Variants in ANKFN1 observed in about 807,000 individuals in gnomAD.
ANKFN1 encodes ankyrin repeat and fibronectin type III domain containing 1.
Under a neutral mutation model 108.7 loss-of-function variants are expected in ANKFN1, and 74 were observed. That is an observed-to-expected ratio of 0.68 (90% CI 0.56 to 0.83). ANKFN1 has a LOEUF of 0.83. ANKFN1 is among the 40% of genes least tolerant of loss of function. ANKFN1 has a pLI of 0.00. For synonymous variants in ANKFN1, 547 were observed against 516.2 expected (o/e 1.06, Z -0.81); for missense variants, 1,505 against 1,382.3 (o/e 1.09, Z -1.41).
intron 1 of ANKFN1, among the ~76,000 whole-genome samples, chr17:56,191,658 A>T (rs1912941654): frequency 8.4e-6 from 1 of 119,552 alleles, no homozygotes; most frequent in Non-Finnish European, 1.7e-5. Flanking sequence ...TTTTTCCTTC[A>T]TTTCAACTTT....
chr17:56,374,791 G>T, intron 8 of ANKFN1, 77 bp downstream of exon 8: 3 of 1,212,788 alleles, frequency 2.5e-6, no homozygotes, highest in Non-Finnish European at 3.5e-6. Flanking sequence ...AGTGCATTTT[G>T]TGTGTTTGTT....
chr17:56,213,476 C>T (rs541372281), intron 2 of ANKFN1, among the ~76,000 whole-genome samples: 26 of 152,308 alleles, frequency 1.7e-4, no homozygotes, highest in African/African-American at 6.0e-4. Context: ...GTCATTCTCA[C>T]TTCACATCCC....
intron 3 of ANKFN1, among the ~76,000 whole-genome samples, chr17:56,272,987 C>T (rs1430991351): frequency 6.6e-6 from 1 of 152,084 alleles, no homozygotes; most frequent in Non-Finnish European, 1.5e-5. Flanking sequence ...ATTCAACAGC[C>T]CAAATATTTT....
chr17:56,251,406 C>T (rs917754141), intron 3 of ANKFN1, among the ~76,000 whole-genome samples: 1 of 151,942 alleles, frequency 6.6e-6, no homozygotes, highest in African/African-American at 2.4e-5. Flanking sequence ...AATATCTGAC[C>T]CAAAGAGTAA....
At chr17:56,247,763 T>C (rs189266589) in intron 3 of ANKFN1, among the ~76,000 whole-genome samples, 1 of 152,274 alleles carries the variant, frequency 6.6e-6, no homozygotes, top group Admixed American at 6.5e-5. Flanking sequence ...CTTCTTAAGA[T>C]TGTCTATTAA....
chr17:56,384,021 A>G (rs1267376104), intron 8 of ANKFN1, among the ~76,000 whole-genome samples: 1 of 140,842 alleles, frequency 7.1e-6, no homozygotes, highest in Non-Finnish European at 1.6e-5. Flanking sequence ...CAGAGACACA[A>G]CCAAAAAAGA....
In ANKFN1 at chr17:56,261,382, A is replaced by C. The variant is rs1313268373; in HGVS notation, c.53+33425A>C. ...TGAACCTGGGTAGCTCTATAACTCC[A>C]GTGAGTGTTTCTGACATTGTATTAG... On this transcript the variant is annotated intron_variant, in intron 3 of 20. Transcript: ENST00000682825. 3.3e-5 allele frequency among the ~76,000 whole-genome samples: 5 copies of C among 152,232 alleles called. No individual in the cohort carries two copies. In the East Asian group the frequency reaches 5.8e-4, roughly 18 times the overall value.
At chr17:56,462,385 G>A (rs913930668) in intron 14 of ANKFN1, among the ~76,000 whole-genome samples, 9 of 152,088 alleles carry the variant, frequency 5.9e-5, no homozygotes, top group Non-Finnish European at 1.3e-4. Flanking sequence ...ACCTGTGGTC[G>A]GGAGTTCGAG....
At chr17:56,408,385 ACT>A in intron 8 of ANKFN1, among the ~76,000 whole-genome samples, 1 of 152,194 alleles carries the variant, frequency 6.6e-6, no homozygotes, top group South Asian at 2.1e-4. Flanking sequence ...TCTTCGAGAC[ACT>A]CTAGTTAACT....
intron 3 of ANKFN1, among the ~76,000 whole-genome samples, chr17:56,228,965 T>C (rs2143918043): frequency 6.6e-6 from 1 of 152,208 alleles, no homozygotes; most frequent in Admixed American, 6.6e-5. Context: ...ATAAATTCTC[T>C]TTTGAATCAT....
chr17:56,477,662 A>G lies in ANKFN1; in HGVS notation c.1940+8A>G. Reference sequence around the variant, plus strand: ...AAACAATAATATTTCTAGGTAAGTGATCAGGAGTTAAGATTTTCCTTGTGA... The same window carrying G: ...AAACAATAATATTTCTAGGTAAGTGGTCAGGAGTTAAGATTTTCCTTGTGA... On this transcript the variant is annotated splice_region_variant and intron_variant, in intron 16 of 20. Coordinates refer to ENST00000682825, the MANE Select transcript of ANKFN1 (RefSeq NM_001370326.1). The G allele has an allele frequency of 6.2e-7, 1 of 1,611,792 alleles. No individual in the cohort carries two copies. The highest frequency in any genetic ancestry group is 8.5e-7 in the Non-Finnish European group (1 of 1,179,040).
At chr17:56,168,256 C>CAAA (rs763624819) in intron 1 of ANKFN1, among the ~76,000 whole-genome samples, 1,392 of 60,182 alleles carry the variant, frequency 0.023, 33 homozygotes, top group African/African-American at 0.065. Context: ...GACTCTGTCA[C>CAAA]AAAAAAAAAA....
intron 4 of ANKFN1, 59 bp from the exon 5 acceptor site, chr17:56,350,707 A>T: frequency 2.7e-6 from 4 of 1,479,948 alleles, no homozygotes; most frequent in Non-Finnish European, 3.8e-6. Context: ...TGATAAAATC[A>T]TATGTCAACT....
At chr17:56,220,920 G>A (rs1226770036) in intron 2 of ANKFN1, among the ~76,000 whole-genome samples, 3 of 131,732 alleles carry the variant, frequency 2.3e-5, no homozygotes, top group Non-Finnish European at 4.8e-5. Context: ...GTGGGGGAGG[G>A]AGGAACGAAC....
Position 56,510,774 on chromosome 17 carries a change from C to A in ANKFN1, c.2946C>A (p.Asn982Lys), listed in dbSNP as rs2051726383. 3.9e-6 allele frequency: 6 copies of A among 1,536,172 alleles called. No homozygotes were observed. Among genetic ancestry groups the A allele is most frequent in the Non-Finnish European group, 5.2e-6 (6 of 1,146,916 alleles). The change falls in exon 21 of 21, where the codon AAC becomes AAA. Residue 982 changes from asparagine to lysine, a missense_variant. Coordinates refer to ENST00000682825, the MANE Select transcript of ANKFN1 (RefSeq NM_001370326.1). ...CCCTCACGGGGTTCACACCCAAGAA[C>A]CACGCCAAGACTGTGTCCGGTGGGC... is the stretch of plus-strand genomic sequence containing the variant. ...SLTLTGFTPK[N>K]HAKTVSGGRP...
chr17:56,464,222 C>A (rs1197042365), intron 14 of ANKFN1, among the ~76,000 whole-genome samples: 1 of 152,160 alleles, frequency 6.6e-6, no homozygotes, highest in Non-Finnish European at 1.5e-5. Flanking sequence ...CTTTCTTATT[C>A]AACCCCTTAG....
rs751938733 is a variant in ANKFN1, at chr17:56,456,909, G to A, written c.1256G>A (p.Ser419Asn). ...GGCCGCAAGCAGTCAGTCTCAAGAA[G>A]CCTGAAACACCTGTTCCATTCCTCG... ...TTGRKQSVSR[S>N]LKHLFHSSNK... The change falls in exon 12 of 21, where the codon AGC (serine) becomes AAC (asparagine). Residue 419 changes from serine to asparagine, a missense_variant. By Grantham distance (46) the Ser-to-Asn change is conservative (BLOSUM62 1). Transcript: ENST00000682825. The A allele has an allele frequency of 3.7e-6, 6 of 1,614,144 alleles. No homozygotes were observed. Among genetic ancestry groups the A allele is most frequent in the Non-Finnish European group, 5.1e-6 (6 of 1,180,014 alleles).
At chr17:56,448,940 C>T (rs2024316) in intron 10 of ANKFN1, 139 bp from the exon 11 acceptor site, 382,804 of 614,808 alleles carry the variant, frequency 0.62, 127,427 homozygotes, top group East Asian at 0.86. Context: ...TTGGCATCGC[C>T]TGCTTGCTCT....
chr17:56,368,245 T>A, intron 6 of ANKFN1: 3 of 690,184 alleles, frequency 4.3e-6, no homozygotes, highest in South Asian at 5.6e-5. Flanking sequence ...TAAAACACCA[T>A]GAAAACAAAC....
Sources: allele counts gnomAD v4.1 joint callset (sites outside exome capture counted in the v4.1 genomes callset), GRCh38; gene constraint gnomAD v4.1.1; transcripts MANE v1.5; gene names NCBI Gene and HGNC (gene_info 2026-07-23, HGNC 2026-07-21).